NOD1: variants seen among roughly 807,000 people sequenced by gnomAD.
NOD1 encodes nucleotide-binding oligomerization domain-containing protein 1.
In NOD1, 70 loss-of-function variants were observed where a neutral mutation model predicts 81.2. The ratio of observed to expected loss-of-function variants is 0.86; its 90% CI spans 0.71 to 1.05. The LOEUF is 1.05. Among genes scored for constraint, NOD1 ranks in the 50% least tolerant of loss-of-function variants. NOD1 has a pLI of 0.00. For synonymous variants in NOD1, 508 were observed against 526.9 expected (o/e 0.96, Z 0.49); for missense variants, 1,233 against 1,228.0 (o/e 1.00, Z -0.06).
intron 12 of NOD1, among the ~76,000 whole-genome samples, chr7:30,431,595 G>A (rs955430353): frequency 6.6e-5 from 10 of 152,190 alleles, no homozygotes; most frequent in African/African-American, 2.2e-4. Flanking sequence ...GGATATCCAC[G>A]TGCAAGAGAA....
chr7:30,477,898 T>C (rs1489961726), intron 1 of NOD1, among the ~76,000 whole-genome samples: 2 of 152,140 alleles, frequency 1.3e-5, no homozygotes, highest in African/African-American at 4.8e-5. Context: ...CCAGACTTAA[T>C]TTCAAACACC....
chr7:30,429,469 A>T lies in NOD1; in HGVS notation c.2706-12T>A, dbSNP rs1783755299. 2 of 1,611,764 alleles carry T rather than the reference A, an allele frequency of 1.2e-6. No individual in the cohort carries two copies. The highest frequency in any genetic ancestry group is 1.7e-5 in the Admixed American group (1 of 60,002). Reference sequence around the variant, plus strand: ...GATTCTGGATAAGCCTGAAAGAAGAACATAACTTGTATAAAATCCATAATA... The same window carrying T: ...GATTCTGGATAAGCCTGAAAGAAGATCATAACTTGTATAAAATCCATAATA... On this transcript the variant is annotated splice_polypyrimidine_tract_variant and intron_variant, in intron 12 of 13. Coordinates refer to ENST00000222823, the MANE Select transcript of NOD1 (RefSeq NM_006092.4).
At chr7:30,465,046 C>T (rs1787538999) in intron 1 of NOD1, among the ~76,000 whole-genome samples, 2 of 152,094 alleles carry the variant, frequency 1.3e-5, no homozygotes, top group African/African-American at 2.4e-5. Context: ...CAGACAGACA[C>T]AGAACAAGGA....
intron 9 of NOD1, among the ~76,000 whole-genome samples, chr7:30,439,291 C>T (rs1175360524): frequency 1.4e-5 from 2 of 141,096 alleles, no homozygotes; most frequent in African/African-American, 6.4e-5. Context: ...GTCTACAGCT[C>T]CCAGCGTGAG....
rs1302454185 is a variant in NOD1, at chr7:30,447,310, GATGATAGTCCCC to G, written c.2286-272_2286-261del. On this transcript the variant is annotated intron_variant, in intron 7 of 13. Transcript: ENST00000222823. ...TCTCCATCTGTAATACAGAGGTAAT[GATGATAGTCCCC>G]TTGCAGGGTGGTTATGAGGATCTTA... The G allele has an allele frequency of 1.9e-5, 10 of 515,072 alleles. No homozygotes were observed. In the Admixed American group the frequency reaches 3.2e-4, roughly 16 times the overall value. 31.9% of individuals were successfully genotyped at this position (515,072 alleles called of 1,614,324 possible). A position where few individuals can be genotyped will look rare whatever the true frequency, so the allele number is the denominator to read the frequency against.
rs776027923 is a variant in NOD1 at position 30,467,272 on chromosome 7, C to T, written c.-351-7231G>A. Among the ~76,000 whole-genome samples the T allele has an allele frequency of 1.3e-5, 2 of 152,100 alleles. No homozygotes were observed. Among genetic ancestry groups the T allele is most frequent in the African/African-American group, 2.4e-5 (1 of 41,496 alleles). On this transcript the variant is annotated intron_variant, in intron 1 of 13. Coordinates refer to ENST00000222823, the MANE Select transcript of NOD1 (RefSeq NM_006092.4). This position sits in a 1 kb window ranked among gnomAD's most constrained non-coding sequence, Gnocchi z 4.5. ...AGAAAACCACCTGTGAGAAGACACA[C>T]GGTGTGAGAATGAAAATTACTTCTG...
At chr7:30,445,630 G>A (rs1013713344) in intron 9 of NOD1, among the ~76,000 whole-genome samples, 10 of 151,654 alleles carry the variant, frequency 6.6e-5, no homozygotes, top group Admixed American at 2.6e-4. Context: ...TTGGTGGCGG[G>A]TGCCTATAAT....
chr7:30,469,664 GCA>G (rs767278626), intron 1 of NOD1, among the ~76,000 whole-genome samples: 4 of 152,208 alleles, frequency 2.6e-5, no homozygotes, highest in Non-Finnish European at 5.9e-5. Context: ...TGTTCAGAGT[GCA>G]CAGAGAGCCA....
At position 30,451,674 on chromosome 7, in the gene NOD1, G is replaced by A. The variant is rs200731251; in HGVS notation, c.1743C>T (p.Asn581=). 8.2e-5 allele frequency: 133 copies of A among 1,613,968 alleles called. No homozygotes were observed. Among genetic ancestry groups the A allele is most frequent in the Non-Finnish European group, 1.1e-4 (127 of 1,180,030 alleles). ...GGTTGGTGAACTGGAAGTGATCCTT[G>A]TTCTTGAAGAGGTCTTCCCGCGCCG... ...SGPAREDLFK[N]KDHFQFTNLF... is the part of the protein sequence containing the mutation. The change falls in exon 6 of 14, where the codon AAC becomes AAT. Residue 581 remains asparagine (N), a synonymous_variant. Coordinates refer to ENST00000222823, the MANE Select transcript of NOD1 (RefSeq NM_006092.4). This position sits in a 1 kb window ranked among gnomAD's most constrained non-coding sequence, Gnocchi z 4.2.
At chr7:30,469,376 C>G (rs4720003) in intron 1 of NOD1, among the ~76,000 whole-genome samples, 2 of 152,030 alleles carry the variant, frequency 1.3e-5, no homozygotes, top group African/African-American at 4.8e-5. Flanking sequence ...GGAATCACCT[C>G]TCTCTCTCCC....
intron 1 of NOD1, among the ~76,000 whole-genome samples, chr7:30,472,311 A>T (rs1788357517): frequency 6.6e-6 from 1 of 152,030 alleles, no homozygotes; most frequent in African/African-American, 2.4e-5. Flanking sequence ...CATCCTTCCC[A>T]TTCACCTCTG....
chr7:30,448,554 G>C (rs565321339), intron 6 of NOD1, among the ~76,000 whole-genome samples, 173 bp from the exon 7 acceptor site: 1 of 152,204 alleles, frequency 6.6e-6, no homozygotes, highest in African/African-American at 2.4e-5. Flanking sequence ...CCTGGCCAAC[G>C]TGGGGCCGCC....
At position 30,456,747 on chromosome 7, in the gene NOD1, A is replaced by C; in HGVS notation, c.175T>G (p.Cys59Gly). 2 of 1,614,110 alleles carry C rather than the reference A, an allele frequency of 1.2e-6. No individual in the cohort carries two copies. Among genetic ancestry groups the C allele is most frequent in the Non-Finnish European group, 1.7e-6 (2 of 1,180,030 alleles). Residue 59 changes from cysteine (C) to glycine (G), a missense_variant, in exon 4 of 14, where the codon TGT becomes GGT. Cys to Gly is a radical substitution (Grantham distance 159). Coordinates refer to ENST00000222823, the MANE Select transcript of NOD1 (RefSeq NM_006092.4). ...YFSAEDAEIV[C>G]ACPTQPDKVR... is the part of the protein sequence containing the mutation. ...TTGTCAGGCTGGGTGGGGCAGGCAC[A>C]CACAATCTCCGCATCTTCGGCCGAG...
chr7:30,449,949 T>G (rs6971352), intron 6 of NOD1, among the ~76,000 whole-genome samples: 1 of 152,060 alleles, frequency 6.6e-6, no homozygotes, highest in African/African-American at 2.4e-5. Flanking sequence ...CCCCAACATT[T>G]TGGAAGGCCG....
At chr7:30,438,561 C>A (rs2128014434) in intron 9 of NOD1, among the ~76,000 whole-genome samples, 1 of 152,362 alleles carries the variant, frequency 6.6e-6, no homozygotes, top group Admixed American at 6.5e-5. Flanking sequence ...GGCCCACTCA[C>A]AACACAATGG....
intron 1 of NOD1, among the ~76,000 whole-genome samples, chr7:30,469,680 C>A (rs1788069512): frequency 6.7e-6 from 1 of 149,178 alleles, no homozygotes; most frequent in Non-Finnish European, 1.5e-5. Context: ...AGAGCCAGCT[C>A]CTCCCTTCTC....
intron 4 of NOD1, among the ~76,000 whole-genome samples, chr7:30,456,457 G>A (rs1188623578): frequency 3.3e-5 from 5 of 152,108 alleles, no homozygotes; most frequent in Non-Finnish European, 5.9e-5. Flanking sequence ...AATTTAAAGG[G>A]GATCTAAAAA....
chr7:30,446,237 TCA>T lies in NOD1; in HGVS notation c.2370-15_2370-14del, dbSNP rs756357100. The T allele has an allele frequency of 5.6e-6, 9 of 1,603,168 alleles. No homozygotes were observed. Among genetic ancestry groups the T allele is most frequent in the Non-Finnish European group, 7.7e-6 (9 of 1,170,194 alleles). On this transcript the variant is annotated splice_polypyrimidine_tract_variant and intron_variant, in intron 8 of 13. Coordinates refer to ENST00000222823, the MANE Select transcript of NOD1 (RefSeq NM_006092.4). ...GTTTTTTCCCAGTCTGCAGAGAGAG[TCA>T]CACACAGTCAGCCTCCAGCTATGCA...
At chr7:30,446,462 C>T (rs779848880) in intron 8 of NOD1, 4 of 537,614 alleles carry the variant, frequency 7.4e-6, no homozygotes, top group Non-Finnish European at 1.0e-5. Flanking sequence ...AGCTCAGGGA[C>T]CTGAGCCCTC....
Sources: allele counts gnomAD v4.1 joint callset (sites outside exome capture counted in the v4.1 genomes callset), GRCh38; gene constraint gnomAD v4.1.1; non-coding constraint Gnocchi (gnomAD v3.1); transcripts MANE v1.5; gene names NCBI Gene and HGNC (gene_info 2026-07-23, HGNC 2026-07-21).